The following ABLIM2 variants were observed in gnomAD, a reference collection of about 807,000 sequenced individuals.
ABLIM2 encodes the protein actin-binding LIM protein 2.
In ABLIM2, 53 loss-of-function variants were observed where a neutral mutation model predicts 97.7. The ratio of observed to expected loss-of-function variants is 0.54; its 90% CI spans 0.44 to 0.68. The LOEUF (loss-of-function observed/expected upper bound fraction) is 0.68. Among genes scored for constraint, ABLIM2 ranks in the 30% least tolerant of loss-of-function variants. ABLIM2 has a pLI of 0.00. For synonymous variants in ABLIM2, 361 were observed against 345.8 expected, an observed-to-expected ratio of 1.04 and a Z score of -0.49; for missense variants, 835 against 867.2, an observed-to-expected ratio of 0.96 and a Z score of 0.47.
chr4:8,045,435 G>C (rs1791680311), intron 8 of ABLIM2, among the ~76,000 whole-genome samples, 194 bp from the exon 9 acceptor site: 1 of 152,220 alleles, frequency 6.6e-6, no homozygotes, highest in Non-Finnish European at 1.5e-5. Context: ...CGGATCACGA[G>C]GTCAGGAGTT....
rs994265575 is a variant in ABLIM2 at position 8,083,426 on chromosome 4, G to A, written c.455-2624C>T. Among the ~76,000 whole-genome samples, 1 of 152,176 alleles carries A rather than the reference G, an allele frequency of 6.6e-6. No individual in the cohort carries two copies. The highest frequency in any genetic ancestry group is 2.4e-5 in the African/African-American group (1 of 41,458). ...CTCACGGGTGGCCTGCTCCCTCTGT[G>A]ATGCCTTTATGGGCATCTCCGCCAC... On this transcript the variant is annotated intron_variant, in intron 4 of 20. Coordinates refer to ENST00000447017, the MANE Select transcript of ABLIM2 (RefSeq NM_001130083.2). This position sits in a 1 kb window ranked among gnomAD's most constrained non-coding sequence, Gnocchi z 4.6.
At position 7,996,927 on chromosome 4, in the gene ABLIM2, A is replaced by G. The variant is rs1426507660; in HGVS notation, c.1619-4000T>C. ...TTCAACATTTTTTTCTTTGTCCTTA[A>G]TTTTCAGAAATTTAATTATGATGTG... is the stretch of plus-strand genomic sequence containing the variant. On this transcript the variant is annotated intron_variant, in intron 16 of 20. Coordinates refer to ENST00000447017, the MANE Select transcript of ABLIM2 (RefSeq NM_001130083.2). This position sits in a 1 kb window ranked among gnomAD's most constrained non-coding sequence, Gnocchi z 4.5. 1.3e-5 allele frequency among the ~76,000 whole-genome samples: 2 copies of G among 151,186 alleles called. No individual in the cohort carries two copies. The highest frequency in any genetic ancestry group is 4.9e-5 in the African/African-American group (2 of 41,036).
intron 2 of ABLIM2, among the ~76,000 whole-genome samples, 170 bp from the exon 3 acceptor site, chr4:8,097,452 G>A (rs1311620637): frequency 6.6e-6 from 1 of 152,202 alleles, no homozygotes; most frequent in Non-Finnish European, 1.5e-5. Flanking sequence ...GGGCTCCTGG[G>A]ACAGACTCCA....
chr4:8,084,058 A>G (rs532496419), intron 4 of ABLIM2, among the ~76,000 whole-genome samples: 3 of 152,226 alleles, frequency 2.0e-5, no homozygotes, highest in South Asian at 4.2e-4. Context: ...GGAGTCTCAG[A>G]TTCTAGATCA....
Position 7,992,983 on chromosome 4 carries a change from G to A in ABLIM2, c.1619-56C>T. The A allele has an allele frequency of 1.3e-6, 2 of 1,583,056 alleles. No individual in the cohort carries two copies. The highest frequency in any genetic ancestry group is 1.7e-5 in the Admixed American group (1 of 58,356). On this transcript the variant is annotated intron_variant, in intron 16 of 20. Coordinates refer to ENST00000447017, the MANE Select transcript of ABLIM2 (RefSeq NM_001130083.2). This position sits in a 1 kb window ranked among gnomAD's most constrained non-coding sequence, Gnocchi z 5.7. ...CGCGCAGACTCGGTGCAGCAATGGG[G>A]GTGCAGCCCTGGGGGGGCTTCCCAC...
At chr4:8,041,336 G>A (rs780112710) in intron 9 of ABLIM2, 6 of 152,284 alleles carry the variant, frequency 3.9e-5, no homozygotes, top group African/African-American at 7.2e-5. Flanking sequence ...GCTCCACAGG[G>A]AGCTTGTGCT....
chr4:8,029,688 G>A lies in ABLIM2; in HGVS notation c.1136C>T (p.Thr379Ile), dbSNP rs758288957. The A allele has an allele frequency of 3.2e-6, 5 of 1,551,030 alleles. No individual in the cohort carries two copies. The East Asian group carries it at 1.2e-4, about 38-fold the overall frequency. The change falls in exon 11 of 21, where the codon ACC becomes ATC. Residue 379 changes from threonine (T) to isoleucine (I), a missense_variant. Coordinates refer to ENST00000447017, the MANE Select transcript of ABLIM2 (RefSeq NM_001130083.2). ...GSVSLGRYTP[T>I]SRSPQHYSRP... ...GCTGTAGTGCTGTGGTGACCGTGAGGTCGGAGTGTAGCGCCCGAGGCTAAC... is the reference window on the plus strand; with the variant it reads ...GCTGTAGTGCTGTGGTGACCGTGAGATCGGAGTGTAGCGCCCGAGGCTAAC...
rs1487711784 is a variant in ABLIM2 at position 8,122,298 on chromosome 4, C to A, written c.11-15661G>T. On this transcript the variant is annotated intron_variant, in intron 1 of 20. Transcript: ENST00000447017. The surrounding 1 kb of genome is among the most constrained non-coding windows in gnomAD (Gnocchi z 4.1). ...GAGCTGGAGAGGTCCCCCACTTTGT[C>A]CTCGGCTCCCATCCTCCATTTCCCA... 6.6e-6 allele frequency among the ~76,000 whole-genome samples: 1 copy of A among 152,190 alleles called. No homozygotes were observed. Among genetic ancestry groups the A allele is most frequent in the African/African-American group, 2.4e-5 (1 of 41,450 alleles).
intron 9 of ABLIM2, among the ~76,000 whole-genome samples, chr4:8,039,874 GTTTTTTTT>G (rs397947626): frequency 9.2e-6 from 1 of 108,630 alleles, no homozygotes; most frequent in Non-Finnish European, 1.9e-5. Flanking sequence ...GCTGATTACT[GTTTTTTTT>G]TTTTTTTTTT....
rs1287735545 is a variant in ABLIM2, at chr4:8,083,772, C to T, written c.455-2970G>A. ...TAGCAGGGCAGAAGGGGCCCCAGGA[C>T]CCCCCAATGTCAGCTGGCCACGTGC... On this transcript the variant is annotated intron_variant, in intron 4 of 20. Transcript: ENST00000447017. This position sits in a 1 kb window ranked among gnomAD's most constrained non-coding sequence, Gnocchi z 4.6. 6.6e-6 allele frequency among the ~76,000 whole-genome samples: 1 copy of T among 152,168 alleles called. No individual in the cohort carries two copies. The highest frequency in any genetic ancestry group is 2.4e-5 in the African/African-American group (1 of 41,442).
rs1223733796 is a variant in ABLIM2 at position 8,022,670 on chromosome 4, G to A, written c.1268-2367C>T. 6.6e-6 allele frequency: 1 copy of A among 152,524 alleles called. No homozygotes were observed. Among genetic ancestry groups the A allele is most frequent in the African/African-American group, 2.4e-5 (1 of 41,428 alleles). 9.4% of individuals were successfully genotyped at this position (152,524 alleles called of 1,614,324 possible). A position where few individuals can be genotyped will look rare whatever the true frequency, so the allele number is the denominator to read the frequency against. On this transcript the variant is annotated intron_variant, in intron 12 of 20. Coordinates refer to ENST00000447017, the MANE Select transcript of ABLIM2 (RefSeq NM_001130083.2). This position sits in a 1 kb window ranked among gnomAD's most constrained non-coding sequence, Gnocchi z 7.8. ...CCTCCTCTGCTCAGCCTTCTGGTAG[G>A]ACTTGGTCTCTGAGGACCTCTCCCT...
rs1226060483 is a variant in ABLIM2, at chr4:8,023,642, T to C, written c.1268-3339A>G. Among the ~76,000 whole-genome samples the C allele has an allele frequency of 2.6e-5, 4 of 152,236 alleles. No homozygotes were observed. The highest frequency in any genetic ancestry group is 4.4e-5 in the Non-Finnish European group (3 of 68,034). On this transcript the variant is annotated intron_variant, in intron 12 of 20. Transcript: ENST00000447017. The surrounding 1 kb of genome is among the most constrained non-coding windows in gnomAD (Gnocchi z 5.7). ...GCGCTCTCGGGAAGGAGCCACTCTGTGTAGCCCACACTTGTCCACATGTCA... is the reference window on the plus strand; with the variant it reads ...GCGCTCTCGGGAAGGAGCCACTCTGCGTAGCCCACACTTGTCCACATGTCA...
In ABLIM2 at chr4:7,983,303, G is replaced by A. The variant is rs200231234; in HGVS notation, c.1785C>T (p.Arg595=). 127 of 1,612,522 alleles carry A rather than the reference G, an allele frequency of 7.9e-5. No individual in the cohort carries two copies. The African/African-American group carries it at 1.5e-3, about 19-fold the overall frequency. The change falls in exon 20 of 21, where the codon CGC becomes CGT. Residue 595 remains arginine (R), a synonymous_variant. Transcript: ENST00000447017. ...YDSLIVTNRI[R]VKLPKDVDRT... is the part of the protein sequence containing the mutation. The stretch of plus-strand genomic sequence containing the variant: ...GGTCCACGTCTTTGGGCAGTTTCAC[G>A]CGAATTCGGTTTGTGACGATGAGGG...
chr4:8,012,943 C>T (rs1766056305), intron 14 of ABLIM2, among the ~76,000 whole-genome samples: 1 of 152,200 alleles, frequency 6.6e-6, no homozygotes, highest in African/African-American at 2.4e-5. Flanking sequence ...ACCTTTATCC[C>T]CATCTCCCTG....
rs1376295166 is a variant in ABLIM2 at position 8,061,262 on chromosome 4, CA to C, written c.676-209del. ...CTGTCCAAGGCGCCCTGTGGGGAGG[CA>C]GGGGGAGACCTGGCTGCACTTGCCC... is the stretch of plus-strand genomic sequence containing the variant. On this transcript the variant is annotated intron_variant, in intron 6 of 20. Transcript: ENST00000447017. This position sits in a 1 kb window ranked among gnomAD's most constrained non-coding sequence, Gnocchi z 4.5. 6.6e-6 allele frequency among the ~76,000 whole-genome samples: 1 copy of C among 152,108 alleles called. No individual in the cohort carries two copies. Among genetic ancestry groups the C allele is most frequent in the East Asian group, 1.9e-4 (1 of 5,166 alleles).
intron 1 of ABLIM2, among the ~76,000 whole-genome samples, chr4:8,152,472 TTGA>T (rs1182274414): frequency 6.6e-6 from 1 of 152,230 alleles, no homozygotes. Context: ...AGGGCGGCAC[TTGA>T]TGAGCCGCAG....
rs542735165 is a variant in ABLIM2, at chr4:8,032,820, C to A, written c.1048-3044G>T. On this transcript the variant is annotated intron_variant, in intron 10 of 20. Coordinates refer to ENST00000447017, the MANE Select transcript of ABLIM2 (RefSeq NM_001130083.2). This position sits in a 1 kb window ranked among gnomAD's most constrained non-coding sequence, Gnocchi z 4.3. Reference sequence around the variant, plus strand: ...CCTCCAGACAGGAAAAGAACTCTACCCCGAGAGACACAAGTCAGGGTTCCA... The same window carrying A: ...CCTCCAGACAGGAAAAGAACTCTACACCGAGAGACACAAGTCAGGGTTCCA... 42 of 835,910 alleles carry A rather than the reference C, an allele frequency of 5.0e-5. No individual in the cohort carries two copies. Among genetic ancestry groups the A allele is most frequent in the Non-Finnish European group, 7.6e-5 (39 of 511,522 alleles). 51.8% of individuals were successfully genotyped at this position (835,910 alleles called of 1,614,324 possible).
intron 20 of ABLIM2, among the ~76,000 whole-genome samples, chr4:7,971,688 C>T (rs892849895): frequency 3.3e-5 from 5 of 152,136 alleles, no homozygotes; most frequent in African/African-American, 1.2e-4. Context: ...CACCTCCACT[C>T]CATCAGGGAC....
chr4:8,099,793 C>T (rs112705135), intron 2 of ABLIM2, among the ~76,000 whole-genome samples: 7 of 152,166 alleles, frequency 4.6e-5, no homozygotes, highest in African/African-American at 1.4e-4. Context: ...TGCAGTGATC[C>T]GAGATCGCGC....
Sources: allele counts gnomAD v4.1 joint callset (sites outside exome capture counted in the v4.1 genomes callset), GRCh38; gene constraint gnomAD v4.1.1; non-coding constraint Gnocchi (gnomAD v3.1); transcripts MANE v1.5; gene names NCBI Gene and HGNC (gene_info 2026-07-23, HGNC 2026-07-21).